EPHB2: variants seen among roughly 807,000 people sequenced by gnomAD.
EPHB2 encodes EPH receptor B2.
EPHB2 carries 18 observed loss-of-function variants against 96.4 expected under a neutral mutation model. The observed-to-expected ratio is 0.19, with a 90% CI of 0.13 to 0.28. The LOEUF is 0.28. EPHB2 is among the 10% of genes least tolerant of loss of function. The probability of loss-of-function intolerance (pLI) is 1.00; values close to 1 mark genes in which losing one functional copy is unlikely to be tolerated. For missense variants in EPHB2, 989 were observed against 1,355.4 expected (o/e 0.73, Z 4.25); for synonymous variants, 506 against 534.1 (o/e 0.95, Z 0.72).
chr1:22,735,162 C>T (rs1426191689), intron 1 of EPHB2, among the ~76,000 whole-genome samples: 1 of 152,084 alleles, frequency 6.6e-6, no homozygotes, highest in African/African-American at 2.4e-5. Context: ...GTGGCTCACT[C>T]CTATAATCCC....
chr1:22,775,236 C>A (rs1160448273), intron 1 of EPHB2: 1 of 779,818 alleles, frequency 1.3e-6, no homozygotes, highest in Non-Finnish European at 2.4e-6. Context: ...CCTGTGTGCA[C>A]TTATGCAGGT....
intron 1 of EPHB2, among the ~76,000 whole-genome samples, chr1:22,721,318 T>C (rs1004168400): frequency 6.6e-6 from 1 of 152,190 alleles, no homozygotes; most frequent in African/African-American, 2.4e-5. Context: ...ATAGTCAAAG[T>C]TGACGCATTA....
chr1:22,789,226 G>T (rs1213911076), intron 3 of EPHB2, among the ~76,000 whole-genome samples: 1 of 152,208 alleles, frequency 6.6e-6, no homozygotes, highest in Non-Finnish European at 1.5e-5. Context: ...TGGGGCAGTG[G>T]AACATTAGCA....
intron 5 of EPHB2, among the ~76,000 whole-genome samples, chr1:22,879,870 G>A (rs1269210901): frequency 2.6e-5 from 4 of 152,248 alleles, no homozygotes; most frequent in Admixed American, 2.6e-4. Flanking sequence ...TGAGGGTCAG[G>A]CAGCCTCCCC....
chr1:22,800,891 T>C (rs1644833903), intron 3 of EPHB2, among the ~76,000 whole-genome samples: 1 of 152,214 alleles, frequency 6.6e-6, no homozygotes, highest in African/African-American at 2.4e-5. Context: ...GCCTCTTTCA[T>C]GAAGCAAAAT....
chr1:22,919,377 G>C lies in EPHB2; in HGVS notation c.*5807G>C, dbSNP rs1244185363. ...AGAAAGACCCTCAGACCCAGAGTCT[G>C]TCTGAGTTTAGCTTCGCAGCATGAA... On this transcript the variant is annotated 3_prime_UTR_variant, in exon 16 of 16. Transcript: ENST00000374630. The C allele has an allele frequency of 1.3e-5, 2 of 152,262 alleles. No homozygotes were observed. The highest frequency in any genetic ancestry group is 4.8e-5 in the African/African-American group (2 of 41,466). 9.4% of individuals were successfully genotyped at this position (152,262 alleles called of 1,614,324 possible).
chr1:22,817,833 G>T (rs1348506335), intron 3 of EPHB2, among the ~76,000 whole-genome samples: 1 of 152,188 alleles, frequency 6.6e-6, no homozygotes, highest in Non-Finnish European at 1.5e-5. Flanking sequence ...TCGGCTAGGG[G>T]CCTGCATAGC....
rs1638820058 is a variant in EPHB2 at position 22,875,836 on chromosome 1, A to G, written c.1304-6523A>G. On this transcript the variant is annotated intron_variant, in intron 5 of 15. Transcript: ENST00000374630. The surrounding 1 kb of genome is among the most constrained non-coding windows in gnomAD (Gnocchi z 4.2). ...GGCTACTGGAGGGGAGAGGTAGTTC[A>G]GGAGGGCATCTCGGAGGAGTTGACA... Among the ~76,000 whole-genome samples, 1 of 152,132 alleles carries G rather than the reference A, an allele frequency of 6.6e-6. No homozygotes were observed. The highest frequency in any genetic ancestry group is 1.5e-5 in the Non-Finnish European group (1 of 68,008).
intron 1 of EPHB2, among the ~76,000 whole-genome samples, chr1:22,740,083 G>A (rs937221944): frequency 5.3e-5 from 8 of 152,324 alleles, no homozygotes; most frequent in South Asian, 2.1e-4. Flanking sequence ...GGGTCCAAAC[G>A]ATTTGCCTGA....
chr1:22,716,788 C>T (rs1333612260), intron 1 of EPHB2, among the ~76,000 whole-genome samples: 2 of 152,228 alleles, frequency 1.3e-5, no homozygotes, highest in South Asian at 2.1e-4. Context: ...GCAGATGGAG[C>T]CTGCTGGTGA....
At chr1:22,712,245 C>T (rs1313945401) in intron 1 of EPHB2, among the ~76,000 whole-genome samples, 3 of 152,100 alleles carry the variant, frequency 2.0e-5, no homozygotes, top group East Asian at 1.9e-4. Flanking sequence ...CTGAAAAGTC[C>T]GATGTCTCAC....
At chr1:22,853,079 G>A (rs753317129) in intron 3 of EPHB2, among the ~76,000 whole-genome samples, 15 of 152,364 alleles carry the variant, frequency 9.8e-5, no homozygotes, top group African/African-American at 2.6e-4. Context: ...GGCCGGGCAC[G>A]GTGGCTCATG....
intron 1 of EPHB2, among the ~76,000 whole-genome samples, chr1:22,758,401 G>A (rs1490018940): frequency 6.6e-6 from 1 of 151,990 alleles, no homozygotes; most frequent in African/African-American, 2.4e-5. Flanking sequence ...GGCTTCCTAG[G>A]CAGTTGGATG....
At chr1:22,832,394 A>T (rs1488891856) in intron 3 of EPHB2, among the ~76,000 whole-genome samples, 1 of 152,176 alleles carries the variant, frequency 6.6e-6, no homozygotes, top group African/African-American at 2.4e-5. Flanking sequence ...GACCCCATGT[A>T]TCCCTTCTCA....
intron 11 of EPHB2, among the ~76,000 whole-genome samples, chr1:22,907,316 A>G (rs1320621466): frequency 6.6e-6 from 1 of 152,200 alleles, no homozygotes; most frequent in African/African-American, 2.4e-5. Flanking sequence ...ATTTGCCCAG[A>G]GTCACCCAGA....
intron 1 of EPHB2, among the ~76,000 whole-genome samples, chr1:22,740,526 A>C (rs931233393): frequency 6.6e-6 from 1 of 152,140 alleles, no homozygotes; most frequent in Non-Finnish European, 1.5e-5. Context: ...TTGAGTAAGC[A>C]TGCCCTCAAG....
rs991150922 is a variant in EPHB2, at chr1:22,797,179, T to C, written c.811+12103T>C. On this transcript the variant is annotated intron_variant, in intron 3 of 15. Coordinates refer to ENST00000374630, the MANE Select transcript of EPHB2 (RefSeq NM_017449.5). ...GGGGGTCACCGGGTTGGTTTGATTC[T>C]GAAGCCCCCTTGCTGCTGACTCCCG... 6.8e-4 allele frequency among the ~76,000 whole-genome samples: 103 copies of C among 152,302 alleles called. 1 individual carries two copies. The highest frequency in any genetic ancestry group is 2.4e-3 in the African/African-American group (98 of 41,562).
intron 1 of EPHB2, among the ~76,000 whole-genome samples, chr1:22,740,920 G>T (rs549686314): frequency 1.3e-5 from 2 of 152,204 alleles, no homozygotes; most frequent in South Asian, 4.2e-4. Context: ...CTGGGGGGCG[G>T]TCCGTGTGAA....
chr1:22,897,107 A>C (rs1639590185), intron 9 of EPHB2, among the ~76,000 whole-genome samples: 1 of 151,838 alleles, frequency 6.6e-6, no homozygotes, highest in South Asian at 2.1e-4. Context: ...CCCCTTACCC[A>C]GTGCCCTCAT....
Sources: allele counts gnomAD v4.1 joint callset (sites outside exome capture counted in the v4.1 genomes callset), GRCh38; gene constraint gnomAD v4.1.1; non-coding constraint Gnocchi (gnomAD v3.1); transcripts MANE v1.5; gene names NCBI Gene and HGNC (gene_info 2026-07-23, HGNC 2026-07-21).